Variants in GPC3 observed in about 807,000 individuals in gnomAD.
The protein encoded by GPC3 is glypican-3.
GPC3 carries 3 observed loss-of-function variants against 34.4 expected under a neutral mutation model. The observed-to-expected ratio is 0.09, with a 90% confidence interval of 0.04 to 0.23. The LOEUF is 0.23. GPC3 is among the 10% of genes least tolerant of loss of function. The probability of loss-of-function intolerance (pLI) is 1.00; values close to 1 mark genes in which losing one functional copy is unlikely to be tolerated. For missense variants in GPC3, 351 were observed against 445.6 expected, an observed-to-expected ratio of 0.79 and a Z score of 1.91; for synonymous variants, 177 against 174.0, an observed-to-expected ratio of 1.02 and a Z score of -0.13.
At chrX:133,554,002 T>TTCTCTC (rs139778698) in intron 7 of GPC3, among the ~76,000 whole-genome samples, 1 of 106,989 alleles carries the variant, frequency 9.3e-6, no homozygotes, top group African/African-American at 3.5e-5. Flanking sequence ...ACTATCCTCT[T>TTCTCTC]TCTCTCTCTC....
chrX:133,795,421 C>A (rs895600282), intron 2 of GPC3, among the ~76,000 whole-genome samples: 1 of 111,443 alleles, frequency 9.0e-6, no homozygotes, highest in Non-Finnish European at 1.9e-5. Flanking sequence ...ATAAGGGTCA[C>A]ACATGGTCCC....
chrX:133,618,168 T>C (rs2070187516), intron 6 of GPC3, among the ~76,000 whole-genome samples: 1 of 112,123 alleles, frequency 8.9e-6, no homozygotes. Flanking sequence ...CATGAATTTA[T>C]GGCACTTGTC....
chrX:133,905,850 A>G, intron 2 of GPC3, among the ~76,000 whole-genome samples: 1 of 111,934 alleles, frequency 8.9e-6, no homozygotes, highest in African/African-American at 3.2e-5. Flanking sequence ...AAAAGGCAAA[A>G]AGTAGGTAAG....
intron 2 of GPC3, among the ~76,000 whole-genome samples, chrX:133,889,028 G>A (rs192581002): frequency 2.9e-4 from 33 of 112,143 alleles, no homozygotes; most frequent in African/African-American, 9.0e-4. Flanking sequence ...GATGTAAATG[G>A]AACACAGATT....
intron 2 of GPC3, among the ~76,000 whole-genome samples, chrX:133,868,831 T>C (rs1368194191): frequency 8.9e-6 from 1 of 111,771 alleles, no homozygotes; most frequent in Admixed American, 9.5e-5. Flanking sequence ...CTGCTTTCTC[T>C]TGGGCCACTG....
intron 2 of GPC3, among the ~76,000 whole-genome samples, chrX:133,841,214 A>ATTTTTTTTTTTTTTTTTTTTTTTT (rs2075822425): frequency 7.8e-5 from 2 of 25,708 alleles, no homozygotes; most frequent in Non-Finnish European, 2.5e-4. Flanking sequence ...CTAATCTTTT[A>ATTTTTTTTTTTTTTTTTTTTTTTT]ATTTTTTTTT....
chrX:133,703,215 T>C (rs188236973), intron 3 of GPC3, among the ~76,000 whole-genome samples: 3 of 111,983 alleles, frequency 2.7e-5, no homozygotes, highest in Non-Finnish European at 5.6e-5. Flanking sequence ...CGCTGACTAA[T>C]GTATCTAGTC....
At chrX:133,668,965 C>T (rs1304623483) in intron 5 of GPC3, among the ~76,000 whole-genome samples, 1 of 112,152 alleles carries the variant, frequency 8.9e-6, no homozygotes, top group Admixed American at 9.4e-5. Flanking sequence ...TATTGGTCTA[C>T]AAGGCTCCCA....
At chrX:133,781,539 T>C (rs967889116) in intron 2 of GPC3, among the ~76,000 whole-genome samples, 2 of 112,396 alleles carry the variant, frequency 1.8e-5, no homozygotes, top group Non-Finnish European at 3.8e-5. Flanking sequence ...TCTTCATGGA[T>C]TGACTTCCCT....
chrX:133,610,629 ATTC>A (rs2070099707), intron 6 of GPC3, among the ~76,000 whole-genome samples: 1 of 106,776 alleles, frequency 9.4e-6, no homozygotes, highest in Non-Finnish European at 1.9e-5. Context: ...GTTCAACATA[ATTC>A]TTCTGGATAC....
chrX:133,784,355 T>C (rs1439993295), intron 2 of GPC3, among the ~76,000 whole-genome samples: 3 of 111,850 alleles, frequency 2.7e-5, no homozygotes, highest in African/African-American at 9.8e-5. Context: ...CCCCAGCCTT[T>C]ACCTGAGTAT....
chrX:133,963,090 C>T (rs1415606371), intron 1 of GPC3, among the ~76,000 whole-genome samples: 1 of 112,306 alleles, frequency 8.9e-6, no homozygotes, highest in Non-Finnish European at 1.9e-5. Flanking sequence ...CTTGCTTTCG[C>T]CCTTTTAGGA....
intron 3 of GPC3, among the ~76,000 whole-genome samples, chrX:133,726,841 C>T (rs998409238): frequency 1.8e-5 from 2 of 112,189 alleles, no homozygotes; most frequent in East Asian, 2.8e-4. Context: ...AAACTCCCTC[C>T]GCACCTGGAT....
chrX:133,671,834 T>C (rs2070829936), intron 5 of GPC3, among the ~76,000 whole-genome samples: 1 of 111,599 alleles, frequency 9.0e-6, no homozygotes, highest in African/African-American at 3.3e-5. Context: ...GGCCCCGGTG[T>C]GTGATGTTCC....
chrX:133,967,549 A>C (rs1346549316), intron 1 of GPC3, among the ~76,000 whole-genome samples: 1 of 112,331 alleles, frequency 8.9e-6, no homozygotes, highest in Non-Finnish European at 1.9e-5. Flanking sequence ...TCAGAAAACC[A>C]CCAGCTCTTG....
intron 6 of GPC3, among the ~76,000 whole-genome samples, chrX:133,640,932 T>C (rs1401739915): frequency 9.0e-6 from 1 of 111,162 alleles, no homozygotes; most frequent in Non-Finnish European, 1.9e-5. Flanking sequence ...GGACCTTTTT[T>C]TCTATCAAGG....
At chrX:133,746,447 A>C (rs910675046) in intron 3 of GPC3, among the ~76,000 whole-genome samples, 1 of 112,664 alleles carries the variant, frequency 8.9e-6, no homozygotes, top group African/African-American at 3.2e-5. Flanking sequence ...AACATTTTTA[A>C]AAAGCTCCCC....
At chrX:133,772,359 G>A (rs2071931768) in intron 2 of GPC3, among the ~76,000 whole-genome samples, 1 of 110,682 alleles carries the variant, frequency 9.0e-6, no homozygotes. Flanking sequence ...CAAAGGTGCT[G>A]GTGTGGTGCA....
At chrX:133,794,520 TG>T (rs770535973) in intron 2 of GPC3, among the ~76,000 whole-genome samples, 1 of 111,257 alleles carries the variant, frequency 9.0e-6, no homozygotes, top group Admixed American at 9.5e-5. Flanking sequence ...TGGCTTTGGG[TG>T]GGGGGGCACT....
Sources: gnomAD v4.1 joint callset for allele counts (sites outside exome capture counted in the v4.1 genomes callset) on GRCh38, gnomAD v4.1.1 for gene constraint, MANE v1.5 for transcripts, NCBI Gene and HGNC (gene_info 2026-07-23, HGNC 2026-07-21) for gene names.